ANKS1B: variants seen among roughly 807,000 people sequenced by gnomAD.
The protein encoded by ANKS1B is ankyrin repeat and sterile alpha motif domain-containing protein 1B.
A neutral mutation model predicts 148.3 loss-of-function variants in ANKS1B; 36 were observed. The ratio of observed to expected loss-of-function variants is 0.24; its 90% CI spans 0.19 to 0.32. ANKS1B has a LOEUF of 0.32. ANKS1B is among the 10% of genes least tolerant of loss of function. ANKS1B has a pLI of 1.00. For synonymous variants in ANKS1B, 542 were observed against 560.8 expected, an observed-to-expected ratio of 0.97 and a Z score of 0.47; for missense variants, 1,157 against 1,542.6, an observed-to-expected ratio of 0.75 and a Z score of 4.19.
chr12:99,458,709 A>T (rs923174774), intron 10 of ANKS1B, among the ~76,000 whole-genome samples: 1 of 152,078 alleles, frequency 6.6e-6, no homozygotes, highest in Non-Finnish European at 1.5e-5. Flanking sequence ...AGATTAAACC[A>T]GGAAGAAATA....
rs1597059859 is a variant in ANKS1B, at chr12:98,926,390, G to A, written c.2779-94254C>T. 3.9e-5 allele frequency among the ~76,000 whole-genome samples: 6 copies of A among 152,272 alleles called. No individual in the cohort carries two copies. In the South Asian group the frequency reaches 6.2e-4, roughly 16 times the overall value. The stretch of plus-strand genomic sequence containing the variant: ...CAAACAGCAGCTGCAATAATAAAGG[G>A]CATCAACAACAGACCTTAGAGAGGA... On this transcript the variant is annotated intron_variant, in intron 17 of 26. Transcript: ENST00000683438.
intron 16 of ANKS1B, among the ~76,000 whole-genome samples, chr12:99,062,365 C>T (rs2042728610): frequency 6.6e-6 from 1 of 152,120 alleles, no homozygotes; most frequent in Non-Finnish European, 1.5e-5. Flanking sequence ...TGAAATCATG[C>T]ACAGGTAGGA....
At chr12:99,530,588 A>T (rs1219049082) in intron 9 of ANKS1B, among the ~76,000 whole-genome samples, 1 of 152,226 alleles carries the variant, frequency 6.6e-6, no homozygotes, top group Non-Finnish European at 1.5e-5. Context: ...AAAAAGCAAA[A>T]GTGATTTTCC....
intron 17 of ANKS1B, among the ~76,000 whole-genome samples, chr12:98,851,710 G>T (rs981232357): frequency 6.6e-6 from 1 of 152,098 alleles, no homozygotes; most frequent in Non-Finnish European, 1.5e-5. Context: ...TTTCTGTTAT[G>T]TTGAAGTAGA....
At chr12:99,550,440 A>G (rs2097207449) in intron 9 of ANKS1B, among the ~76,000 whole-genome samples, 1 of 152,050 alleles carries the variant, frequency 6.6e-6, no homozygotes, top group Non-Finnish European at 1.5e-5. Flanking sequence ...CTTGGCCAAC[A>G]TGGTGAAACT....
At chr12:99,601,258 T>C (rs1398722988) in intron 9 of ANKS1B, among the ~76,000 whole-genome samples, 2 of 152,076 alleles carry the variant, frequency 1.3e-5, no homozygotes, top group Non-Finnish European at 2.9e-5. Context: ...CCTACGAAGA[T>C]TTTAACAAAT....
intron 19 of ANKS1B, among the ~76,000 whole-genome samples, chr12:98,808,885 G>A (rs755238933): frequency 1.3e-5 from 2 of 152,122 alleles, no homozygotes; most frequent in East Asian, 1.9e-4. Context: ...CAAGCAGTCC[G>A]TACAAAGATC....
chr12:99,830,714 A>T (rs2083856367), intron 1 of ANKS1B, among the ~76,000 whole-genome samples: 1 of 152,030 alleles, frequency 6.6e-6, no homozygotes, highest in Non-Finnish European at 1.5e-5. Flanking sequence ...GGAAGGAAAA[A>T]ACAATTTCAA....
intron 12 of ANKS1B, among the ~76,000 whole-genome samples, chr12:99,254,905 G>C (rs762389129): frequency 2.0e-5 from 3 of 152,178 alleles, no homozygotes; most frequent in Non-Finnish European, 4.4e-5. Flanking sequence ...CATCCTGCTA[G>C]ATTTGGTTTG....
intron 12 of ANKS1B, among the ~76,000 whole-genome samples, chr12:99,307,952 A>G (rs2082581896): frequency 6.6e-6 from 1 of 152,044 alleles, no homozygotes; most frequent in African/African-American, 2.4e-5. Context: ...TTTTCTATGG[A>G]GGACTCCCTC....
At chr12:99,807,590 C>T (rs2067798405) in intron 3 of ANKS1B, among the ~76,000 whole-genome samples, 1 of 152,036 alleles carries the variant, frequency 6.6e-6, no homozygotes, top group Non-Finnish European at 1.5e-5. Context: ...GCAGCTGCCA[C>T]CATCAGAGTT....
At chr12:98,900,239 T>C (rs1404162469) in intron 17 of ANKS1B, among the ~76,000 whole-genome samples, 1 of 152,240 alleles carries the variant, frequency 6.6e-6, no homozygotes, top group Non-Finnish European at 1.5e-5. Flanking sequence ...TGGAATTATA[T>C]ACTTGATAAC....
At chr12:99,565,836 A>G (rs902605859) in intron 9 of ANKS1B, among the ~76,000 whole-genome samples, 3 of 152,286 alleles carry the variant, frequency 2.0e-5, no homozygotes, top group Admixed American at 1.3e-4. Flanking sequence ...ACAGGGATTC[A>G]CACCATAAAA....
intron 12 of ANKS1B, among the ~76,000 whole-genome samples, chr12:99,340,282 G>A (rs543665483): frequency 1.3e-3 from 203 of 152,040 alleles, no homozygotes; most frequent in Non-Finnish European, 2.6e-3. Flanking sequence ...TCAGTGAACT[G>A]CTGATCAGCT....
At chr12:99,310,072 A>G (rs539044178) in intron 12 of ANKS1B, among the ~76,000 whole-genome samples, 45 of 152,276 alleles carry the variant, frequency 3.0e-4, no homozygotes, top group Admixed American at 2.6e-3. Flanking sequence ...TGGCCACAGA[A>G]ATCTGTATCA....
chr12:99,639,435 G>A (rs971886590), intron 9 of ANKS1B, among the ~76,000 whole-genome samples: 2 of 152,082 alleles, frequency 1.3e-5, no homozygotes, highest in African/African-American at 4.8e-5. Flanking sequence ...GGGGACTGCT[G>A]GAAAGGCATA....
chr12:98,744,380 A>AG lies in ANKS1B; in HGVS notation c.*1358_*1359insC. On this transcript the variant is annotated 3_prime_UTR_variant, in exon 27 of 27. Transcript: ENST00000683438. ...TTTAAAATAATGTCAGTTAATAAAA[A>AG]AACATTAAGACAATTCCACAATTTA... 1 of 898,802 alleles carries AG rather than the reference A, an allele frequency of 1.1e-6. No individual in the cohort carries two copies. The highest frequency in any genetic ancestry group is 1.3e-6 in the Non-Finnish European group (1 of 750,642). 55.7% of individuals were successfully genotyped at this position (898,802 alleles called of 1,614,324 possible).
intron 14 of ANKS1B, among the ~76,000 whole-genome samples, chr12:99,210,433 C>T (rs1290444756): frequency 2.0e-5 from 3 of 152,132 alleles, no homozygotes; most frequent in Non-Finnish European, 4.4e-5. Context: ...TCAGTAGCTT[C>T]TTCAAGTAAC....
In ANKS1B at chr12:99,053,189, A is replaced by T. The variant is rs779921691; in HGVS notation, c.2746T>A (p.Leu916Met). ...LINGYTSMDL[L>M]KKIWEVELIN... is the part of the protein sequence containing the mutation. ...AGTTCAACCTCCCAGATTTTTTTCA[A>T]CAGGTCCATCGAAGTGTAGCCATTA... is the stretch of plus-strand genomic sequence containing the variant. Residue 916 changes from leucine to methionine, a missense_variant, in exon 17 of 27, where the codon TTG becomes ATG. Transcript: ENST00000683438. 1 of 1,608,890 alleles carries T rather than the reference A, an allele frequency of 6.2e-7. No homozygotes were observed. The highest frequency in any genetic ancestry group is 1.1e-5 in the South Asian group (1 of 89,730).
Sources: allele counts gnomAD v4.1 joint callset (sites outside exome capture counted in the v4.1 genomes callset), GRCh38; gene constraint gnomAD v4.1.1; transcripts MANE v1.5; gene names NCBI Gene and HGNC (gene_info 2026-07-23, HGNC 2026-07-21).